The following LYPLAL1 variants were observed in gnomAD, a reference collection of about 807,000 sequenced individuals.
LYPLAL1 encodes lysophospholipase like 1.
A neutral mutation model predicts 19.7 loss-of-function variants in LYPLAL1; 23 were observed. The ratio of observed to expected loss-of-function variants is 1.17; its 90% CI spans 0.84 to 1.65. The LOEUF (loss-of-function observed/expected upper bound fraction) is 1.65, where lower values mean the gene tolerates loss of function less well. LYPLAL1 is among the 40% of genes most tolerant of loss of function. The probability of loss-of-function intolerance (pLI) is 0.00; values close to 1 mark genes in which losing one functional copy is unlikely to be tolerated. For synonymous variants in LYPLAL1, 119 were observed against 96.3 expected (o/e 1.24, Z -1.38); for missense variants, 355 against 279.4 (o/e 1.27, Z -1.93).
the LYPLAL1 span, among the ~76,000 whole-genome samples, chr1:219,395,411 T>C: frequency 0.46 from 70,171 of 152,046 alleles, 16,500 homozygotes; most frequent in Admixed American, 0.52. Flanking sequence ...GCTTGTTGGC[T>C]ACATGTATGT....
At chr1:219,194,933 G>T (rs754732353) in intron 3 of LYPLAL1, among the ~76,000 whole-genome samples, 1 of 152,022 alleles carries the variant, frequency 6.6e-6, no homozygotes, top group Non-Finnish European at 1.5e-5. Context: ...GACAGTAGTT[G>T]GCTGTAACAA....
chr1:219,393,161 G>A, the LYPLAL1 span, among the ~76,000 whole-genome samples: 1 of 152,176 alleles, frequency 6.6e-6, no homozygotes, highest in Non-Finnish European at 1.5e-5. Context: ...GCGGGATTAT[G>A]TCTTTGGTTT....
chr1:219,201,575 A>G (rs1401325744), intron 3 of LYPLAL1, among the ~76,000 whole-genome samples: 1 of 151,284 alleles, frequency 6.6e-6, no homozygotes, highest in Non-Finnish European at 1.5e-5. Flanking sequence ...ATTTCATATT[A>G]TAATATATAA....
At chr1:219,215,765 T>A (rs1349752776), downstream of LYPLAL1, among the ~76,000 whole-genome samples, 1 of 152,122 alleles carries the variant, frequency 6.6e-6, no homozygotes, top group Non-Finnish European at 1.5e-5. Flanking sequence ...GTCATAAAGC[T>A]CACCCTGTTT....
the LYPLAL1 span, among the ~76,000 whole-genome samples, chr1:219,296,783 G>GCT: frequency 9.9e-5 from 15 of 152,096 alleles, no homozygotes; most frequent in East Asian, 2.9e-3. Context: ...AAACTTTTTG[G>GCT]CTCTCTTACT....
downstream of LYPLAL1, among the ~76,000 whole-genome samples, chr1:219,213,638 G>T (rs534218190): frequency 1.7e-3 from 261 of 152,014 alleles, 1 homozygote; most frequent in Middle Eastern, 0.01. Flanking sequence ...TACCTATTTT[G>T]TTAGATTTAT....
At chr1:219,291,627 C>T in the LYPLAL1 span, among the ~76,000 whole-genome samples, 7 of 152,216 alleles carry the variant, frequency 4.6e-5, no homozygotes, top group African/African-American at 1.2e-4. Context: ...CATATGTCCC[C>T]GATTTATTTT....
At chr1:219,425,113 G>A in the LYPLAL1 span, among the ~76,000 whole-genome samples, 1 of 152,076 alleles carries the variant, frequency 6.6e-6, no homozygotes, top group African/African-American at 2.4e-5. Flanking sequence ...ACTCTAGTGA[G>A]GGCTTGTTTC....
At chr1:219,409,367 T>G in the LYPLAL1 span, among the ~76,000 whole-genome samples, 1 of 151,766 alleles carries the variant, frequency 6.6e-6, no homozygotes, top group Middle Eastern at 3.2e-3. Context: ...GAGGAACACT[T>G]GAGCTTGGAG....
chr1:219,393,353 A>C, the LYPLAL1 span, among the ~76,000 whole-genome samples: 2 of 152,110 alleles, frequency 1.3e-5, no homozygotes, highest in African/African-American at 4.8e-5. Context: ...CATTATCTTC[A>C]TAGTTCTGTC....
At chr1:219,364,691 A>C in the LYPLAL1 span, among the ~76,000 whole-genome samples, 7 of 152,334 alleles carry the variant, frequency 4.6e-5, no homozygotes, top group African/African-American at 1.4e-4. Context: ...TTTAAATAAA[A>C]TAAAGAAATA....
chr1:219,298,195 A>G, the LYPLAL1 span, among the ~76,000 whole-genome samples: 1 of 152,150 alleles, frequency 6.6e-6, no homozygotes, highest in African/African-American at 2.4e-5. Flanking sequence ...CTGTAGTCCC[A>G]GCTACTTGAG....
At chr1:219,335,340 G>A in the LYPLAL1 span, among the ~76,000 whole-genome samples, 1 of 151,848 alleles carries the variant, frequency 6.6e-6, no homozygotes, top group Non-Finnish European at 1.5e-5. Flanking sequence ...CTACAAAAGT[G>A]AAAGAATCAG....
the LYPLAL1 span, among the ~76,000 whole-genome samples, chr1:219,413,794 G>T: frequency 6.6e-6 from 1 of 152,146 alleles, no homozygotes; most frequent in Non-Finnish European, 1.5e-5. Context: ...CACAGGCCAC[G>T]TGCTAGGCAC....
chr1:219,264,900 A>G, the LYPLAL1 span, among the ~76,000 whole-genome samples: 1 of 152,212 alleles, frequency 6.6e-6, no homozygotes, highest in Non-Finnish European at 1.5e-5. Context: ...GGTAGTGCCA[A>G]TTATGATTTC....
the LYPLAL1 span, chr1:219,271,695 C>G: frequency 6.6e-6 from 1 of 152,240 alleles, no homozygotes; most frequent in East Asian, 1.9e-4. Context: ...TGAAGGGTGG[C>G]CACCTGCCAA....
the LYPLAL1 span, among the ~76,000 whole-genome samples, chr1:219,274,532 C>T: frequency 2.6e-5 from 4 of 152,034 alleles, no homozygotes; most frequent in South Asian, 8.3e-4. Context: ...ATTACAGGTG[C>T]CTGCCACCAT....
At chr1:219,392,879 T>G in the LYPLAL1 span, among the ~76,000 whole-genome samples, 1 of 152,158 alleles carries the variant, frequency 6.6e-6, no homozygotes, top group Non-Finnish European at 1.5e-5. Context: ...TAAAACTAAC[T>G]CAGATACCTT....
chr1:219,415,448 A>G, the LYPLAL1 span, among the ~76,000 whole-genome samples: 1 of 152,242 alleles, frequency 6.6e-6, no homozygotes, highest in Non-Finnish European at 1.5e-5. Context: ...AGGTGAAAAT[A>G]TCATCAATCA....
Sources: allele counts gnomAD v4.1 joint callset (sites outside exome capture counted in the v4.1 genomes callset), GRCh38; gene constraint gnomAD v4.1.1; transcripts MANE v1.5; gene names NCBI Gene and HGNC (gene_info 2026-07-23, HGNC 2026-07-21).